The following DNAH10 variants were observed in gnomAD, a reference collection of about 807,000 sequenced individuals.
The protein encoded by DNAH10 is axonemal beta dynein heavy chain 10.
DNAH10 carries 348 observed loss-of-function variants against 506.6 expected under a neutral mutation model. That is an observed-to-expected ratio of 0.69 (90% confidence interval 0.63 to 0.75). DNAH10 has a LOEUF of 0.75. Ranked by LOEUF, DNAH10 falls within the 30% of genes least tolerant of loss-of-function variation. DNAH10 has a pLI of 0.00. For missense variants in DNAH10, 5,179 were observed against 5,787.1 expected (o/e 0.89, Z 3.41); for synonymous variants, 2,059 against 2,198.6 (o/e 0.94, Z 1.78).
At chr12:123,931,125 G>A (rs1406808642) in intron 73 of DNAH10, among the ~76,000 whole-genome samples, 1 of 152,060 alleles carries the variant, frequency 6.6e-6, no homozygotes, top group East Asian at 1.9e-4. Flanking sequence ...TGAGATGGGA[G>A]AAGAGCTTGA....
rs1955047433 is a variant in DNAH10 at position 123,928,535 on chromosome 12, C to G, written c.12254C>G (p.Thr4085Ser). ...KPHPDFRLWL[T>S]TDPTKGFPIG... ...CACCCAGACTTCCGCCTGTGGCTCACCACGGACCCCACCAAGGGCTTCCCC... is the reference window on the plus strand; with the variant it reads ...CACCCAGACTTCCGCCTGTGGCTCAGCACGGACCCCACCAAGGGCTTCCCC... Residue 4085 changes from threonine to serine, a missense_variant, in exon 70 of 79, where the codon ACC (threonine) becomes AGC (serine). Thr to Ser is a moderately conservative substitution (Grantham distance 58, BLOSUM62 1). This residue lies in a region of DNAH10 where 4,844 missense variants were observed against 5,430.5 expected (regional missense o/e 0.89). Coordinates refer to ENST00000673944, the MANE Select transcript of DNAH10 (RefSeq NM_001372106.1). The surrounding 1 kb of genome is among the most constrained non-coding windows in gnomAD (Gnocchi z 4.9). The G allele has an allele frequency of 4.3e-6, 7 of 1,610,714 alleles. No homozygotes were observed. The highest frequency in any genetic ancestry group is 5.9e-6 in the Non-Finnish European group (7 of 1,178,592).
At chr12:123,818,091 G>C (rs1036279212) in intron 21 of DNAH10, among the ~76,000 whole-genome samples, 2 of 151,564 alleles carry the variant, frequency 1.3e-5, no homozygotes, top group African/African-American at 2.4e-5. Flanking sequence ...TGCAATTATA[G>C]GCATGCGCCA....
intron 4 of DNAH10, 36 bp from the exon 5 acceptor site, chr12:123,774,113 C>T: frequency 7.2e-7 from 1 of 1,392,504 alleles, no homozygotes; most frequent in Non-Finnish European, 9.9e-7. Flanking sequence ...CTGCTCTCTC[C>T]CACTGACCTT....
In DNAH10 at chr12:123,859,233, C is replaced by T. The variant is rs11057373; in HGVS notation, c.6714C>T (p.Ser2238=). The change falls in exon 38 of 79, where the codon TCC becomes TCT. Residue 2238 remains serine (S), a synonymous_variant. Transcript: ENST00000673944. ...TGGGGCCCACCAGAGGGGGCAAGTC[C>T]GTCGTCATTAACACTCTGTGTCAGG... ...MVVGPTRGGK[S]VVINTLCQAQ... 624 of 1,609,920 alleles carry T rather than the reference C, an allele frequency of 3.9e-4. No individual in the cohort carries two copies. The African/African-American group carries it at 4.6e-3, about 12-fold the overall frequency.
chr12:123,771,736 G>A (rs1310117896), intron 3 of DNAH10, 38 bp downstream of exon 3: 7 of 1,532,876 alleles, frequency 4.6e-6, no homozygotes, highest in Non-Finnish European at 6.3e-6. Flanking sequence ...TGGGGTAATG[G>A]GGACCCTTGA....
intron 1 of DNAH10, 113 bp from the exon 2 acceptor site, chr12:123,767,493 C>A: frequency 1.1e-6 from 1 of 944,852 alleles, no homozygotes; most frequent in Non-Finnish European, 1.6e-6. Context: ...CATAACGAGT[C>A]TCCTGTGGGC....
At chr12:123,767,445 G>A (rs373974156) in intron 1 of DNAH10, among the ~76,000 whole-genome samples, 161 bp from the exon 2 acceptor site, 20 of 152,152 alleles carry the variant, frequency 1.3e-4, no homozygotes, top group Admixed American at 2.6e-4. Flanking sequence ...ACTGAAAGCT[G>A]GCTCCATCCA....
In DNAH10 at chr12:123,887,197, T is replaced by A. The variant is rs201615135; in HGVS notation, c.8879T>A (p.Leu2960Gln). The A allele has an allele frequency of 3.1e-4, 507 of 1,613,258 alleles. No individual in the cohort carries two copies. The highest frequency in any genetic ancestry group is 4.0e-4 in the Non-Finnish European group (476 of 1,179,638). Residue 2960 changes from leucine to glutamine, a missense_variant, in exon 52 of 79, where the codon CTG becomes CAG. By Grantham distance (113) the Leu-to-Gln change is moderately radical (BLOSUM62 -2). This residue lies in a region of DNAH10 where 4,844 missense variants were observed against 5,430.5 expected (regional missense o/e 0.89). Coordinates refer to ENST00000673944, the MANE Select transcript of DNAH10 (RefSeq NM_001372106.1). The stretch of plus-strand genomic sequence containing the variant: ...TCGGAGAACAGTTTCCGGGAAGACC[T>A]GAAGAGCCTCTATTTGAAACTTGGG... ...GYSENSFREDLKSLYLKLGIE... is the reference protein window; with the variant it reads ...GYSENSFREDQKSLYLKLGIE...
Position 123,893,561 on chromosome 12 carries a change from T to C in DNAH10, c.9199+125T>C. On this transcript the variant is annotated intron_variant, in intron 53 of 78. Transcript: ENST00000673944. ...ACAAGACACGGCCATTAGGTGGAAATGTGGGCTCTGCACTGTAGCTTGGGG... is the reference window on the plus strand; with the variant it reads ...ACAAGACACGGCCATTAGGTGGAAACGTGGGCTCTGCACTGTAGCTTGGGG... 3 of 1,077,206 alleles carry C rather than the reference T, an allele frequency of 2.8e-6. No homozygotes were observed. The South Asian group carries it at 4.3e-5, about 16-fold the overall frequency. 66.7% of individuals were successfully genotyped at this position (1,077,206 alleles called of 1,614,324 possible). A position where few individuals can be genotyped will look rare whatever the true frequency, so the allele number is the denominator to read the frequency against.
chr12:123,772,292 C>A (rs1234404218), intron 3 of DNAH10, among the ~76,000 whole-genome samples: 2 of 152,222 alleles, frequency 1.3e-5, no homozygotes, highest in Non-Finnish European at 2.9e-5. Context: ...CATACACCTT[C>A]AGGCATGGCC....
chr12:123,825,647 G>A (rs920253462), intron 24 of DNAH10, among the ~76,000 whole-genome samples: 1 of 152,190 alleles, frequency 6.6e-6, no homozygotes, highest in Non-Finnish European at 1.5e-5. Flanking sequence ...GGTAGGGACA[G>A]GAGGAGAGAG....
Position 123,909,956 on chromosome 12 carries a change from A to G in DNAH10, c.9997+514A>G, listed in dbSNP as rs1197062791. Among the ~76,000 whole-genome samples, 1 of 152,164 alleles carries G rather than the reference A, an allele frequency of 6.6e-6. No homozygotes were observed. Among genetic ancestry groups the G allele is most frequent in the East Asian group, 1.9e-4 (1 of 5,184 alleles). ...GAGTTCCCCTTGAGCTCAGTTCCTG[A>G]CCCTGCCCAGTGCTCAGCCAGGCGG... On this transcript the variant is annotated intron_variant, in intron 58 of 78. Transcript: ENST00000673944. This position sits in a 1 kb window ranked among gnomAD's most constrained non-coding sequence, Gnocchi z 5.4.
rs191079242 is a variant in DNAH10, at chr12:123,783,417, A to G, written c.999+153A>G. On this transcript the variant is annotated intron_variant, in intron 7 of 78. Coordinates refer to ENST00000673944, the MANE Select transcript of DNAH10 (RefSeq NM_001372106.1). ...TCAAAATAAACACACCCAAAATATCATTTCTGGGCTTTCTGATGTTAATGT... is the reference window on the plus strand; with the variant it reads ...TCAAAATAAACACACCCAAAATATCGTTTCTGGGCTTTCTGATGTTAATGT... Among the ~76,000 whole-genome samples the G allele has an allele frequency of 2.7e-4, 41 of 152,244 alleles. 1 individual carries two copies. Among genetic ancestry groups the G allele is most frequent in the Admixed American group, 2.0e-3 (31 of 15,286 alleles).
intron 78 of DNAH10, 53 bp downstream of exon 78, chr12:123,934,819 G>A (rs1484092484): frequency 1.1e-5 from 18 of 1,606,208 alleles, no homozygotes; most frequent in Middle Eastern, 2.1e-4. Flanking sequence ...TCTTCTGACT[G>A]TAGTTATGGC....
At chr12:123,857,588 C>T (rs1039405316) in intron 37 of DNAH10, among the ~76,000 whole-genome samples, 14 of 152,230 alleles carry the variant, frequency 9.2e-5, no homozygotes, top group African/African-American at 2.2e-4. Context: ...ATTAGCCGGG[C>T]GTGGTGGCGC....
chr12:123,791,501 T>C (rs1053733563), intron 11 of DNAH10, among the ~76,000 whole-genome samples: 5 of 152,256 alleles, frequency 3.3e-5, no homozygotes, highest in Admixed American at 1.3e-4. Flanking sequence ...CCATGTTAAC[T>C]ATATCTAATT....
chr12:123,805,186 T>TG (rs1414659880), intron 18 of DNAH10, 146 bp downstream of exon 18: 1 of 798,622 alleles, frequency 1.3e-6, no homozygotes, highest in Non-Finnish European at 2.0e-6. Flanking sequence ...ACTCACAGAA[T>TG]GGGGGGATGA....
chr12:123,775,369 A>G (rs1319652516), intron 5 of DNAH10, among the ~76,000 whole-genome samples: 1 of 152,168 alleles, frequency 6.6e-6, no homozygotes, highest in Non-Finnish European at 1.5e-5. Context: ...TTGGCCTCCC[A>G]AAGTGCTGTG....
At chr12:123,887,647 G>C (rs1952797207) in intron 52 of DNAH10, among the ~76,000 whole-genome samples, 1 of 152,168 alleles carries the variant, frequency 6.6e-6, no homozygotes, top group African/African-American at 2.4e-5. Flanking sequence ...TGAGAGGCCA[G>C]GTGTGGTGCC....
Sources: gnomAD v4.1 joint callset for allele counts (sites outside exome capture counted in the v4.1 genomes callset) on GRCh38, gnomAD v4.1.1 for gene constraint, gnomAD v4.1.1 regional missense constraint, Gnocchi (gnomAD v3.1) non-coding constraint, MANE v1.5 for transcripts, NCBI Gene and HGNC (gene_info 2026-07-23, HGNC 2026-07-21) for gene names.